Variants in WWOX observed in about 807,000 individuals in gnomAD.
The protein encoded by WWOX is WW domain containing oxidoreductase.
WWOX carries 69 observed loss-of-function variants against 46.2 expected under a neutral mutation model. That is an observed-to-expected ratio of 1.49 (90% CI 1.23 to 1.82). The LOEUF (loss-of-function observed/expected upper bound fraction) is 1.82. Among genes scored for constraint, WWOX ranks in the 40% most tolerant of loss-of-function variants. The probability of loss-of-function intolerance (pLI) is 0.00; values close to 1 mark genes in which losing one functional copy is unlikely to be tolerated. For synonymous variants in WWOX, 359 were observed against 202.6 expected, an observed-to-expected ratio of 1.77 and a Z score of -6.56; for missense variants, 919 against 542.6, an observed-to-expected ratio of 1.69 and a Z score of -6.89.
At chr16:79,101,118 T>C (rs2049184080) in intron 8 of WWOX, 1 of 152,250 alleles carries the variant, frequency 6.6e-6, no homozygotes, top group South Asian at 2.1e-4. Flanking sequence ...GTGTCTTTTA[T>C]TTTGCATTCT....
chr16:78,615,267 C>A (rs919691545), intron 8 of WWOX, among the ~76,000 whole-genome samples: 1 of 152,156 alleles, frequency 6.6e-6, no homozygotes, highest in African/African-American at 2.4e-5. Context: ...AAGTTTCAGG[C>A]TCTGCTACAG....
chr16:78,840,256 C>G (rs1292719230), intron 8 of WWOX, among the ~76,000 whole-genome samples: 1 of 152,178 alleles, frequency 6.6e-6, no homozygotes, highest in African/African-American at 2.4e-5. Flanking sequence ...CTCTGTGACA[C>G]TGAGCAAAAT....
At chr16:78,202,272 A>G (rs1284699464) in intron 5 of WWOX, among the ~76,000 whole-genome samples, 2 of 152,224 alleles carry the variant, frequency 1.3e-5, no homozygotes, top group Non-Finnish European at 2.9e-5. Context: ...CTGGTGCAAC[A>G]TGCCATGACC....
chr16:78,797,554 G>A (rs1466175564), intron 8 of WWOX, among the ~76,000 whole-genome samples: 1 of 152,078 alleles, frequency 6.6e-6, no homozygotes, highest in Non-Finnish European at 1.5e-5. Flanking sequence ...ACTCCAGTCT[G>A]GCTGCTTTTT....
At chr16:78,963,385 C>A (rs2046307771) in intron 8 of WWOX, among the ~76,000 whole-genome samples, 1 of 152,168 alleles carries the variant, frequency 6.6e-6, no homozygotes, top group East Asian at 1.9e-4. Context: ...AGGAGAATTG[C>A]TGGAGTACAG....
At chr16:78,255,435 C>T (rs553081004) in intron 5 of WWOX, among the ~76,000 whole-genome samples, 6 of 152,286 alleles carry the variant, frequency 3.9e-5, no homozygotes, top group South Asian at 2.1e-4. Context: ...TTAGCGTTTG[C>T]GGTTACTTCT....
chr16:79,174,780 A>G (rs964296549), intron 8 of WWOX, among the ~76,000 whole-genome samples: 4 of 152,234 alleles, frequency 2.6e-5, no homozygotes, highest in Non-Finnish European at 5.9e-5. Context: ...TTAGAAGCTA[A>G]TAAGTATATA....
At chr16:79,142,410 G>C (rs1442459117) in intron 8 of WWOX, among the ~76,000 whole-genome samples, 1 of 152,152 alleles carries the variant, frequency 6.6e-6, no homozygotes, top group East Asian at 1.9e-4. Context: ...TTGATAGCTT[G>C]ATTTCAGCCA....
At chr16:78,983,555 A>C (rs2046724294) in intron 8 of WWOX, among the ~76,000 whole-genome samples, 1 of 152,204 alleles carries the variant, frequency 6.6e-6, no homozygotes, top group Admixed American at 6.5e-5. Flanking sequence ...TTGTGGGGCT[A>C]AATGTTCAGC....
chr16:78,312,901 A>G (rs1466195608), intron 5 of WWOX, among the ~76,000 whole-genome samples: 2 of 152,178 alleles, frequency 1.3e-5, no homozygotes, highest in Non-Finnish European at 2.9e-5. Flanking sequence ...GCCTCTGTCT[A>G]TGGGCATGTG....
chr16:79,005,074 A>G (rs1271305881), intron 8 of WWOX, among the ~76,000 whole-genome samples: 1 of 152,184 alleles, frequency 6.6e-6, no homozygotes, highest in Non-Finnish European at 1.5e-5. Context: ...TACTGGGCAC[A>G]TGGATGCAGT....
At chr16:78,284,653 T>G (rs2079737914) in intron 5 of WWOX, among the ~76,000 whole-genome samples, 1 of 152,180 alleles carries the variant, frequency 6.6e-6, no homozygotes. Flanking sequence ...AGCAGAGAAA[T>G]CATCATACTA....
chr16:78,621,554 A>G (rs370188491), intron 8 of WWOX, among the ~76,000 whole-genome samples: 67 of 139,990 alleles, frequency 4.8e-4, no homozygotes, highest in African/African-American at 1.4e-3. Flanking sequence ...AGTATATTCA[A>G]TGATTCACTT....
chr16:78,280,379 C>T (rs142977563), intron 5 of WWOX, among the ~76,000 whole-genome samples: 1 of 152,200 alleles, frequency 6.6e-6, no homozygotes, highest in Non-Finnish European at 1.5e-5. Context: ...AATGCAATAA[C>T]TTCTGCGAAA....
chr16:78,884,166 G>A (rs902578598), intron 8 of WWOX, among the ~76,000 whole-genome samples: 4 of 151,400 alleles, frequency 2.6e-5, no homozygotes, highest in African/African-American at 9.7e-5. Context: ...TAGTTACTCG[G>A]GAGGCTGAAG....
At chr16:78,978,282 G>A (rs903915741) in intron 8 of WWOX, among the ~76,000 whole-genome samples, 14 of 152,146 alleles carry the variant, frequency 9.2e-5, no homozygotes, top group Admixed American at 6.5e-5. Context: ...TTGCTCTTGT[G>A]AATCCATGCT....
chr16:78,183,225 A>G (rs1285180755), intron 5 of WWOX, among the ~76,000 whole-genome samples: 1 of 152,114 alleles, frequency 6.6e-6, no homozygotes, highest in African/African-American at 2.4e-5. Flanking sequence ...AGTAATAATA[A>G]TATCTACCAC....
rs76877481 is a variant in WWOX, at chr16:78,977,424, C to G, written c.1057-234184C>G. Among the ~76,000 whole-genome samples, 762 of 152,190 alleles carry G rather than the reference C, an allele frequency of 5.0e-3. 16 individuals are homozygous for G. In the East Asian group the frequency reaches 0.073, roughly 15 times the overall value. ...GTGGCACTCTTTATTCTGTCCTCGC[C>G]CCACAAGCAAAGCACACACCAGAAG... On this transcript the variant is annotated intron_variant, in intron 8 of 8. Coordinates refer to ENST00000566780, the MANE Select transcript of WWOX (RefSeq NM_016373.4).
chr16:78,400,054 A>T (rs886299500), intron 6 of WWOX, among the ~76,000 whole-genome samples: 4 of 152,082 alleles, frequency 2.6e-5, no homozygotes, highest in African/African-American at 9.7e-5. Context: ...TTCATTTTTG[A>T]AGAATCTATT....
Sources: gnomAD v4.1 joint callset for allele counts (sites outside exome capture counted in the v4.1 genomes callset) on GRCh38, gnomAD v4.1.1 for gene constraint, MANE v1.5 for transcripts, NCBI Gene and HGNC (gene_info 2026-07-23, HGNC 2026-07-21) for gene names.